Variants in RBM17 observed in about 807,000 individuals in gnomAD.
RBM17 encodes the protein RNA binding motif protein 17, also known as splicing factor 45.
In RBM17, 7 loss-of-function variants were observed where a neutral mutation model predicts 53.2. The ratio of observed to expected loss-of-function variants is 0.13; its 90% CI spans 0.07 to 0.25. RBM17 has a LOEUF of 0.25. Ranked by LOEUF, RBM17 falls within the 10% of genes least tolerant of loss-of-function variation. The probability of loss-of-function intolerance (pLI) is 1.00; values close to 1 mark genes in which losing one functional copy is unlikely to be tolerated. For synonymous variants in RBM17, 167 were observed against 178.1 expected (o/e 0.94, Z 0.50); for missense variants, 257 against 496.7 (o/e 0.52, Z 4.59).
chr10:6,114,004 T>C (rs766058231), intron 9 of RBM17, 45 bp from the exon 10 acceptor site: 3 of 1,275,236 alleles, frequency 2.4e-6, no homozygotes, highest in Middle Eastern at 2.5e-4. Context: ...TAGGTGTTTG[T>C]AAGTTATACT....
Position 6,110,144 on chromosome 10 carries a change from C to A in RBM17, c.704+17C>A. The A allele has an allele frequency of 6.3e-7, 1 of 1,597,228 alleles. No homozygotes were observed. On this transcript the variant is annotated intron_variant, in intron 7 of 11. Transcript: ENST00000379888. Reference sequence around the variant, plus strand: ...TAACATGGGGTAATGATTTAATGTTCTTATCTAAGGACTTGAGAGACAGTG... The same window carrying A: ...TAACATGGGGTAATGATTTAATGTTATTATCTAAGGACTTGAGAGACAGTG...
At chr10:6,104,645 CTT>C (rs1305152599) in intron 3 of RBM17, among the ~76,000 whole-genome samples, 1 of 152,068 alleles carries the variant, frequency 6.6e-6, no homozygotes, top group Non-Finnish European at 1.5e-5. Context: ...GTACTAGTAA[CTT>C]ATATTTTAGC....
At chr10:6,104,348 T>C (rs1170279233) in intron 3 of RBM17, among the ~76,000 whole-genome samples, 2 of 152,216 alleles carry the variant, frequency 1.3e-5, no homozygotes, top group Non-Finnish European at 2.9e-5. Context: ...AAAATTATGA[T>C]GCTGGAAGGG....
rs1334432717 is a variant in RBM17 at position 6,116,087 on chromosome 10, G to A, written c.*531G>A. ...TTAGTGACTCCAGTCGTAGAAAAAC[G>A]TCTTTACAACCTGAATAAGATTGAA... On this transcript the variant is annotated 3_prime_UTR_variant, in exon 12 of 12. Coordinates refer to ENST00000379888, the MANE Select transcript of RBM17 (RefSeq NM_032905.5). 1 of 152,456 alleles carries A rather than the reference G, an allele frequency of 6.6e-6. No homozygotes were observed. Among genetic ancestry groups the A allele is most frequent in the Non-Finnish European group, 1.5e-5 (1 of 68,140 alleles). 9.4% of individuals were successfully genotyped at this position (152,456 alleles called of 1,614,324 possible).
At chr10:6,108,281 T>A (rs550976437) in intron 5 of RBM17, among the ~76,000 whole-genome samples, 1 of 152,178 alleles carries the variant, frequency 6.6e-6, no homozygotes, top group Non-Finnish European at 1.5e-5. Context: ...TGCAGTAATA[T>A]CTACTTCAGA....
At position 6,089,399 on chromosome 10, in the gene RBM17, GCCCGCCGCCGCCT is replaced by G. The variant is rs1346280155; in HGVS notation, c.-19+208_-19+220del. On this transcript the variant is annotated intron_variant, in intron 1 of 11. Transcript: ENST00000379888. This position sits in a 1 kb window ranked among gnomAD's most constrained non-coding sequence, Gnocchi z 5.6. Reference sequence around the variant, plus strand: ...ACGCGGCTGCGGCCCGGTACCCTCCGCCCGCCGCCGCCTCTGGTGACCCTGGCCCTGACCTTCT... The same window carrying G: ...ACGCGGCTGCGGCCCGGTACCCTCCGCTGGTGACCCTGGCCCTGACCTTCT... The G allele has an allele frequency of 6.5e-6, 1 of 153,056 alleles. No homozygotes were observed. The highest frequency in any genetic ancestry group is 2.4e-5 in the African/African-American group (1 of 41,454). The allele number at this position is 153,056 out of a possible 1,614,324, so 9.5% of individuals were successfully genotyped here.
In RBM17 at chr10:6,104,067, G is replaced by A. The variant is rs180793541; in HGVS notation, c.241-864G>A. On this transcript the variant is annotated intron_variant, in intron 3 of 11. Transcript: ENST00000379888. ...GTTACAGATAATAACGAAGAATTAT[G>A]CTAAGAACACTAACAGGAGAAAGTG... Among the ~76,000 whole-genome samples, 27 of 152,312 alleles carry A rather than the reference G, an allele frequency of 1.8e-4. No homozygotes were observed. The East Asian group carries it at 5.0e-3, about 28-fold the overall frequency.
At position 6,110,077 on chromosome 10, in the gene RBM17, C is replaced by T; in HGVS notation, c.654C>T (p.Asp218=). ...AIPPPVYEEQ[D]RPRSPTGPSN... ...CTCCCCCAGTGTACGAGGAACAAGA[C>T]AGACCGAGATCTCCAACCGGACCTA... The change falls in exon 7 of 12, where the codon GAC becomes GAT. Residue 218 remains aspartate (D), a synonymous_variant. Transcript: ENST00000379888. 1 of 1,612,370 alleles carries T rather than the reference C, an allele frequency of 6.2e-7. No homozygotes were observed. Among genetic ancestry groups the T allele is most frequent in the Non-Finnish European group, 8.5e-7 (1 of 1,179,062 alleles).
intron 5 of RBM17, among the ~76,000 whole-genome samples, chr10:6,107,097 G>A (rs1840759387): frequency 6.6e-6 from 1 of 152,196 alleles, no homozygotes; most frequent in African/African-American, 2.4e-5. Context: ...TTCTCCTTGA[G>A]GATTTTATAT....
In RBM17 at chr10:6,117,230, C is replaced by T. The variant is rs547354890; in HGVS notation, c.*1674C>T. 6.6e-6 allele frequency: 1 copy of T among 152,330 alleles called. No individual in the cohort carries two copies. The highest frequency in any genetic ancestry group is 2.4e-5 in the African/African-American group (1 of 41,442). The allele number at this position is 152,330 out of a possible 1,614,324, so 9.4% of individuals were successfully genotyped here. ...TACTTGATTTCCGTTCGCATGAGGACAGCTTGGTGTGTGCCTTTCTCCCCA... is the reference window on the plus strand; with the variant it reads ...TACTTGATTTCCGTTCGCATGAGGATAGCTTGGTGTGTGCCTTTCTCCCCA... On this transcript the variant is annotated 3_prime_UTR_variant, in exon 12 of 12. Transcript: ENST00000379888.
rs1280326802 is a variant in RBM17, at chr10:6,115,941, TTC to T, written c.*387_*388del. ...GGTTATATTAAATTATTCTTTGTTT[TTC>T]TTTTTCTTTTAATAAAGCCTGCAAG... On this transcript the variant is annotated 3_prime_UTR_variant, in exon 12 of 12. Coordinates refer to ENST00000379888, the MANE Select transcript of RBM17 (RefSeq NM_032905.5). 6.4e-6 allele frequency: 1 copy of T among 155,774 alleles called. No individual in the cohort carries two copies. The highest frequency in any genetic ancestry group is 2.4e-5 in the African/African-American group (1 of 41,604). The allele number at this position is 155,774 out of a possible 1,614,324, so 9.6% of individuals were successfully genotyped here.
In RBM17 at chr10:6,107,479, C is replaced by CTTTTTTTTTTTTTTTTTTT. The variant is rs71390124; in HGVS notation, c.506-1204_506-1186dup. On this transcript the variant is annotated intron_variant, in intron 5 of 11. Coordinates refer to ENST00000379888, the MANE Select transcript of RBM17 (RefSeq NM_032905.5). ...AGGTATGAGCCACTGCACCCGGCCT[C>CTTTTTTTTTTTTTTTTTTT]TTTTTTTTTTTTTTTTTTTTTGGAG... Among the ~76,000 whole-genome samples, 5 of 56,586 alleles carry CTTTTTTTTTTTTTTTTTTT rather than the reference C, an allele frequency of 8.8e-5. 1 individual carries two copies. The highest frequency in any genetic ancestry group is 2.7e-4 in the African/African-American group (4 of 15,036). 37.1% of individuals were successfully genotyped at this position (56,586 alleles called of 152,430 possible). A position where few individuals can be genotyped will look rare whatever the true frequency, so the allele number is the denominator to read the frequency against.
intron 1 of RBM17, among the ~76,000 whole-genome samples, chr10:6,096,662 C>T (rs557479976): frequency 3.3e-5 from 5 of 152,226 alleles, no homozygotes; most frequent in Non-Finnish European, 7.4e-5. Flanking sequence ...TGTGCTACAT[C>T]AACCTGCTAA....
At chr10:6,109,542 T>C (rs1004700896) in intron 6 of RBM17, among the ~76,000 whole-genome samples, 1 of 152,192 alleles carries the variant, frequency 6.6e-6, no homozygotes, top group Non-Finnish European at 1.5e-5. Flanking sequence ...ACCGCTCCAG[T>C]GCGTAGCCCC....
chr10:6,114,285 C>T lies in RBM17; in HGVS notation c.1029+138C>T, dbSNP rs1427945335. 1.3e-5 allele frequency: 7 copies of T among 556,700 alleles called. No homozygotes were observed. In the East Asian group the frequency reaches 1.9e-4, roughly 15 times the overall value. 34.5% of individuals were successfully genotyped at this position (556,700 alleles called of 1,614,324 possible). On this transcript the variant is annotated intron_variant, in intron 10 of 11. Coordinates refer to ENST00000379888, the MANE Select transcript of RBM17 (RefSeq NM_032905.5). Reference sequence around the variant, plus strand: ...TGACAGGCGTTGGTTATTTGTACTTCTCTTGCTCAATTATTACAGTTTTAA... The same window carrying T: ...TGACAGGCGTTGGTTATTTGTACTTTTCTTGCTCAATTATTACAGTTTTAA...
intron 3 of RBM17, among the ~76,000 whole-genome samples, chr10:6,104,571 A>G (rs1840719167): frequency 6.6e-6 from 1 of 152,254 alleles, no homozygotes; most frequent in African/African-American, 2.4e-5. Flanking sequence ...TTAAGTTGTC[A>G]TAGAGATCTA....
At chr10:6,104,012 G>A (rs1048015633) in intron 3 of RBM17, among the ~76,000 whole-genome samples, 1 of 152,204 alleles carries the variant, frequency 6.6e-6, no homozygotes, top group African/African-American at 2.4e-5. Flanking sequence ...TGTTTGAGGT[G>A]TCTTTCAAAA....
chr10:6,112,652 G>A lies in RBM17; in HGVS notation c.856+291G>A. 2.3e-6 allele frequency: 1 copy of A among 430,724 alleles called. No individual in the cohort carries two copies. Among genetic ancestry groups the A allele is most frequent in the South Asian group, 2.1e-5 (1 of 47,810 alleles). 26.7% of individuals were successfully genotyped at this position (430,724 alleles called of 1,614,324 possible). A position where few individuals can be genotyped will look rare whatever the true frequency, so the allele number is the denominator to read the frequency against. Reference sequence around the variant, plus strand: ...ATGGTGAGAGACTTGGGCAGAAAATGAGTAGTCCTCAGGAAGAAATCTTGG... The same window carrying A: ...ATGGTGAGAGACTTGGGCAGAAAATAAGTAGTCCTCAGGAAGAAATCTTGG... On this transcript the variant is annotated intron_variant, in intron 8 of 11. Coordinates refer to ENST00000379888, the MANE Select transcript of RBM17 (RefSeq NM_032905.5). The surrounding 1 kb of genome is among the most constrained non-coding windows in gnomAD (Gnocchi z 4.4).
At position 6,112,501 on chromosome 10, in the gene RBM17, C is replaced by A; in HGVS notation, c.856+140C>A. Reference sequence around the variant, plus strand: ...AGGGAGAGGGCTGGCCCTGCCATCACTAGAACACAGGCCGTCCTGTTCATA... The same window carrying A: ...AGGGAGAGGGCTGGCCCTGCCATCAATAGAACACAGGCCGTCCTGTTCATA... On this transcript the variant is annotated intron_variant, in intron 8 of 11. Coordinates refer to ENST00000379888, the MANE Select transcript of RBM17 (RefSeq NM_032905.5). The surrounding 1 kb of genome is among the most constrained non-coding windows in gnomAD (Gnocchi z 4.4). 9.9e-7 allele frequency: 1 copy of A among 1,005,784 alleles called. No individual in the cohort carries two copies. Among genetic ancestry groups the A allele is most frequent in the Non-Finnish European group, 1.5e-6 (1 of 656,558 alleles). 62.3% of individuals were successfully genotyped at this position (1,005,784 alleles called of 1,614,324 possible).
Sources: allele counts gnomAD v4.1 joint callset (sites outside exome capture counted in the v4.1 genomes callset), GRCh38; gene constraint gnomAD v4.1.1; non-coding constraint Gnocchi (gnomAD v3.1); transcripts MANE v1.5; gene names NCBI Gene and HGNC (gene_info 2026-07-23, HGNC 2026-07-21).